The following FLRT2 variants were observed in gnomAD, a reference collection of about 807,000 sequenced individuals.
FLRT2 encodes leucine-rich repeat transmembrane protein FLRT2.
In FLRT2, 15 loss-of-function variants were observed where a neutral mutation model predicts 40.0. That is an observed-to-expected ratio of 0.38 (90% CI 0.25 to 0.58). The LOEUF is 0.58. Among genes scored for constraint, FLRT2 ranks in the 20% least tolerant of loss-of-function variants. The probability of loss-of-function intolerance (pLI) is 0.71; values close to 1 mark genes in which losing one functional copy is unlikely to be tolerated. For missense variants in FLRT2, 726 were observed against 840.0 expected (o/e 0.86, Z 1.68); for synonymous variants, 380 against 336.8 (o/e 1.13, Z -1.41).
intron 1 of FLRT2, among the ~76,000 whole-genome samples, chr14:85,605,012 G>A (rs2753627): frequency 0.82 from 125,349 of 152,146 alleles, 51,678 homozygotes; most frequent in East Asian, 0.88. Flanking sequence ...CCCTTTTGGG[G>A]CCTAACTGCA....
chr14:85,585,911 T>C (rs567898097), intron 1 of FLRT2, among the ~76,000 whole-genome samples: 1 of 151,892 alleles, frequency 6.6e-6, no homozygotes, highest in African/African-American at 2.4e-5. Flanking sequence ...ATAGAAGATA[T>C]TTTGATAATT....
chr14:85,561,981 A>T (rs1288130161), intron 1 of FLRT2, among the ~76,000 whole-genome samples: 2 of 152,180 alleles, frequency 1.3e-5, no homozygotes, highest in Non-Finnish European at 2.9e-5. Flanking sequence ...ACTTCCATGG[A>T]CACATTCCCT....
Position 85,622,497 on chromosome 14 carries a change from T to A in FLRT2, c.983T>A (p.Ile328Asn). Residue 328 changes from isoleucine to asparagine, a missense_variant, in exon 2 of 2, where the codon ATC becomes AAC. Ile to Asn is a moderately radical substitution (Grantham distance 149). Transcript: ENST00000330753. Reference sequence around the variant, plus strand: ...TGGGTCACAGAATGGCTCAAATATATCCCTTCATCTCTCAACGTGCGGGGT... The same window carrying A: ...TGGGTCACAGAATGGCTCAAATATAACCCTTCATCTCTCAACGTGCGGGGT... Reference protein sequence around the residue: ...IKWVTEWLKYIPSSLNVRGFM... With the variant: ...IKWVTEWLKYNPSSLNVRGFM... 4 of 1,614,054 alleles carry A rather than the reference T, an allele frequency of 2.5e-6. No individual in the cohort carries two copies. Among genetic ancestry groups the A allele is most frequent in the Middle Eastern group, 3.3e-4 (2 of 6,062 alleles).
intron 1 of FLRT2, among the ~76,000 whole-genome samples, chr14:85,574,594 C>T (rs190030275): frequency 6.6e-6 from 1 of 152,084 alleles, no homozygotes; most frequent in South Asian, 2.1e-4. Context: ...CTTTTCTTCT[C>T]TTTCTGTTGC....
chr14:85,594,450 AGTCTCAACTCACATACCCTAG>A lies in FLRT2; in HGVS notation c.-376-26686_-376-26666del, dbSNP rs1440836541. On this transcript the variant is annotated intron_variant, in intron 1 of 1. Transcript: ENST00000330753. ...TGTGTGCCGCTCCCTCATACCTGTA[AGTCTCAACTCACATACCCTAG>A]GTGCGGCTTAGCTTGACTGTGACTA... Among the ~76,000 whole-genome samples, 3 of 152,158 alleles carry A rather than the reference AGTCTCAACTCACATACCCTAG, an allele frequency of 2.0e-5. No homozygotes were observed. The East Asian group carries it at 5.8e-4, about 29-fold the overall frequency.
At chr14:85,558,578 C>T (rs368784292) in intron 1 of FLRT2, among the ~76,000 whole-genome samples, 10 of 152,268 alleles carry the variant, frequency 6.6e-5, no homozygotes, top group African/African-American at 1.9e-4. Flanking sequence ...GAGTCTCTTT[C>T]GGTGTTTCTT....
At chr14:85,543,566 GA>G (rs1293984964) in intron 1 of FLRT2, among the ~76,000 whole-genome samples, 2 of 151,286 alleles carry the variant, frequency 1.3e-5, no homozygotes, top group African/African-American at 4.9e-5. Context: ...TATTCCTTTA[GA>G]AACCTATATC....
Position 85,613,872 on chromosome 14 carries a change from A to G in FLRT2, c.-376-7267A>G, listed in dbSNP as rs572730834. Among the ~76,000 whole-genome samples the G allele has an allele frequency of 1.7e-4, 26 of 152,324 alleles. 1 individual carries two copies. Among genetic ancestry groups the G allele is most frequent in the Admixed American group, 1.6e-3 (25 of 15,302 alleles). On this transcript the variant is annotated intron_variant, in intron 1 of 1. Transcript: ENST00000330753. ...CTTATTTTCAGGATTGATGGAAGGA[A>G]GATGTATATGTATATTACCAAAGGA...
intron 1 of FLRT2, among the ~76,000 whole-genome samples, chr14:85,601,458 A>G (rs1197470356): frequency 6.6e-6 from 1 of 152,244 alleles, no homozygotes; most frequent in African/African-American, 2.4e-5. Context: ...AGGCCTCTGG[A>G]TAATGGAAGA....
At position 85,621,778 on chromosome 14, in the gene FLRT2, G is replaced by A. The variant is rs749768193; in HGVS notation, c.264G>A (p.Gln88=). The part of the protein sequence containing the change: ...AGFPAELHNV[Q]SVHTVYLYGN... ...TTCCTGCAGAACTGCACAATGTACA[G>A]TCGGTGCACACGGTCTACCTGTATG... Residue 88 remains glutamine (Q), a synonymous_variant, in exon 2 of 2, where the codon CAG becomes CAA. Transcript: ENST00000330753. 2.0e-5 allele frequency: 33 copies of A among 1,614,098 alleles called. No individual in the cohort carries two copies. The highest frequency in any genetic ancestry group is 2.5e-5 in the Non-Finnish European group (30 of 1,180,050).
rs1893368622 is a variant in FLRT2 at position 85,621,336 on chromosome 14, C to T, written c.-179C>T. On this transcript the variant is annotated 5_prime_UTR_variant, in exon 2 of 2. Transcript: ENST00000330753. ...GAGGACAGCAGCAAAGAGGGCAACA[C>T]AGGCTGATAAGACCAGAGACAGCAG... 3 of 624,708 alleles carry T rather than the reference C, an allele frequency of 4.8e-6. No homozygotes were observed. The highest frequency in any genetic ancestry group is 6.4e-5 in the Admixed American group (2 of 31,150). The allele number at this position is 624,708 out of a possible 1,614,324, so 38.7% of individuals were successfully genotyped here.
rs1894484726 is a variant in FLRT2 at position 85,653,639 on chromosome 14, C to A, written c.*30142C>A. On this transcript the variant is annotated 3_prime_UTR_variant, in exon 2 of 2. Coordinates refer to ENST00000330753, the MANE Select transcript of FLRT2 (RefSeq NM_013231.6). Reference sequence around the variant, plus strand: ...GAACTGTCTCCTTCACCAAAGCCACCTTGGAGAGAGCCCACACGGAGACTG... The same window carrying A: ...GAACTGTCTCCTTCACCAAAGCCACATTGGAGAGAGCCCACACGGAGACTG... The A allele has an allele frequency of 6.6e-6, 1 of 152,146 alleles. No homozygotes were observed. The highest frequency in any genetic ancestry group is 2.1e-4 in the South Asian group (1 of 4,832). The allele number at this position is 152,146 out of a possible 1,614,324, so 9.4% of individuals were successfully genotyped here. A position where few individuals can be genotyped will look rare whatever the true frequency, so the allele number is the denominator to read the frequency against.
rs1894037015 is a variant in FLRT2, at chr14:85,637,400, T to C, written c.*13903T>C. The C allele has an allele frequency of 6.6e-6, 1 of 152,204 alleles. No individual in the cohort carries two copies. The highest frequency in any genetic ancestry group is 2.4e-5 in the African/African-American group (1 of 41,448). The allele number at this position is 152,204 out of a possible 1,614,324, so 9.4% of individuals were successfully genotyped here. A position where few individuals can be genotyped will look rare whatever the true frequency, so the allele number is the denominator to read the frequency against. ...TCAAAAAACTTCACCTCTTTAATGT[T>C]TGGTTTCATATTTTTTAAAAGGTAT... On this transcript the variant is annotated 3_prime_UTR_variant, in exon 2 of 2. Coordinates refer to ENST00000330753, the MANE Select transcript of FLRT2 (RefSeq NM_013231.6).
chr14:85,550,516 A>G (rs1253533430), intron 1 of FLRT2, among the ~76,000 whole-genome samples: 3 of 152,172 alleles, frequency 2.0e-5, no homozygotes, highest in Non-Finnish European at 4.4e-5. Flanking sequence ...TCAGCTAATG[A>G]GTTTTGTTTC....
intron 1 of FLRT2, among the ~76,000 whole-genome samples, chr14:85,540,591 G>A (rs1043563325): frequency 3.3e-5 from 5 of 152,040 alleles, no homozygotes; most frequent in African/African-American, 1.2e-4. Flanking sequence ...TAAAATACGT[G>A]GTTGGATCCC....
intron 1 of FLRT2, among the ~76,000 whole-genome samples, chr14:85,586,166 A>G (rs1273733799): frequency 1.3e-5 from 2 of 149,374 alleles, no homozygotes; most frequent in Admixed American, 1.3e-4. Flanking sequence ...TTACATATTA[A>G]TATAAATATG....
chr14:85,556,247 G>A (rs958462256), intron 1 of FLRT2, among the ~76,000 whole-genome samples: 1 of 152,128 alleles, frequency 6.6e-6, no homozygotes, highest in Admixed American at 6.5e-5. Flanking sequence ...GCTTATAGGG[G>A]TATATGCATG....
chr14:85,545,507 A>G (rs1003450042), intron 1 of FLRT2, among the ~76,000 whole-genome samples: 69 of 152,230 alleles, frequency 4.5e-4, no homozygotes, highest in African/African-American at 1.6e-3. Context: ...AGAGGTGATT[A>G]CTCACTGTCC....
At chr14:85,552,468 T>A (rs1020913524) in intron 1 of FLRT2, among the ~76,000 whole-genome samples, 3 of 152,214 alleles carry the variant, frequency 2.0e-5, no homozygotes, top group Non-Finnish European at 4.4e-5. Context: ...GATCTTCTAC[T>A]GTGGCTTATT....
Sources: gnomAD v4.1 joint callset for allele counts (sites outside exome capture counted in the v4.1 genomes callset) on GRCh38, gnomAD v4.1.1 for gene constraint, MANE v1.5 for transcripts, NCBI Gene and HGNC (gene_info 2026-07-23, HGNC 2026-07-21) for gene names.